Variants in SPAG1 observed in about 807,000 individuals in gnomAD.
SPAG1 encodes the protein sperm associated antigen 1.
Under a neutral mutation model 100.5 loss-of-function variants are expected in SPAG1, and 69 were observed. The observed-to-expected ratio is 0.69, with a 90% CI of 0.57 to 0.84. The LOEUF (loss-of-function observed/expected upper bound fraction) is 0.84. Ranked by LOEUF, SPAG1 falls within the 40% of genes least tolerant of loss-of-function variation. The pLI, the probability that SPAG1 is intolerant of heterozygous loss-of-function variation, is 0.00. For missense variants in SPAG1, 955 were observed against 1,133.1 expected (o/e 0.84, Z 2.26); for synonymous variants, 336 against 411.6 (o/e 0.82, Z 2.22).
rs1819275407 is a variant in SPAG1 at position 100,241,612 on chromosome 8, A to G, written c.*590A>G. The G allele has an allele frequency of 6.6e-6, 1 of 152,200 alleles. No individual in the cohort carries two copies. Among genetic ancestry groups the G allele is most frequent in the Non-Finnish European group, 1.5e-5 (1 of 68,010 alleles). The allele number at this position is 152,200 out of a possible 1,614,324, so 9.4% of individuals were successfully genotyped here. ...GAAGCATTGCCTAATAATTAAGAAC[A>G]AAAATTGCCAAAAATTTCTACCACT... On this transcript the variant is annotated 3_prime_UTR_variant, in exon 19 of 19. Transcript: ENST00000388798. This position sits in a 1 kb window ranked among gnomAD's most constrained non-coding sequence, Gnocchi z 5.1.
In SPAG1 at chr8:100,183,425, G is replaced by A. The variant is rs567247608; in HGVS notation, c.477G>A (p.Ala159=). 52 of 1,498,164 alleles carry A rather than the reference G, an allele frequency of 3.5e-5. No homozygotes were observed. Among genetic ancestry groups the A allele is most frequent in the African/African-American group, 8.4e-5 (6 of 71,716 alleles). 92.8% of individuals were successfully genotyped at this position (1,498,164 alleles called of 1,614,324 possible). A position where few individuals can be genotyped will look rare whatever the true frequency, so the allele number is the denominator to read the frequency against. The part of the protein sequence containing the change: ...PTKKKTPRDY[A]EWDKFDVEKE... The stretch of plus-strand genomic sequence containing the variant: ...AAAAGAAAACTCCAAGGGATTACGC[G>A]GAATGGGATAAGTATGTTTTACATG... Residue 159 remains alanine (A), a synonymous_variant, in exon 5 of 19, where the codon GCG becomes GCA. Transcript: ENST00000388798.
chr8:100,185,941 A>G (rs1816566378), intron 7 of SPAG1, among the ~76,000 whole-genome samples: 1 of 151,728 alleles, frequency 6.6e-6, no homozygotes, highest in Non-Finnish European at 1.5e-5. Flanking sequence ...TCTCTTGTCT[A>G]TTACAGGTTA....
intron 10 of SPAG1, among the ~76,000 whole-genome samples, chr8:100,196,359 A>G (rs1470028838): frequency 6.6e-6 from 1 of 152,140 alleles, no homozygotes; most frequent in Non-Finnish European, 1.5e-5. Flanking sequence ...AGAGTTCTAG[A>G]TGCTTCTCGT....
intron 14 of SPAG1, among the ~76,000 whole-genome samples, chr8:100,228,035 G>C (rs1048133976): frequency 6.6e-6 from 1 of 151,758 alleles, no homozygotes; most frequent in Non-Finnish European, 1.5e-5. Flanking sequence ...ATAGAGACAG[G>C]ATCTCATTAT....
At chr8:100,217,509 C>T (rs938742135) in intron 12 of SPAG1, among the ~76,000 whole-genome samples, 1 of 152,012 alleles carries the variant, frequency 6.6e-6, no homozygotes, top group Non-Finnish European at 1.5e-5. Flanking sequence ...CCTGGCCTCT[C>T]CCCTCACCAC....
At chr8:100,235,544 G>C (rs1586559141) in intron 16 of SPAG1, among the ~76,000 whole-genome samples, 1 of 152,246 alleles carries the variant, frequency 6.6e-6, no homozygotes, top group East Asian at 1.9e-4. Flanking sequence ...TTTGGGAGTG[G>C]GGAGAGGATT....
intron 10 of SPAG1, chr8:100,194,634 A>G (rs983613260): frequency 2.5e-6 from 1 of 408,094 alleles, no homozygotes; most frequent in East Asian, 3.6e-5. Context: ...GTTTCAAAAC[A>G]GGTATGGGTA....
intron 3 of SPAG1, among the ~76,000 whole-genome samples, chr8:100,173,405 C>T (rs1476498835): frequency 6.6e-6 from 1 of 151,988 alleles, no homozygotes; most frequent in East Asian, 1.9e-4. Context: ...TACCTTATTG[C>T]TTTTCTTTTT....
chr8:100,191,270 A>T, intron 8 of SPAG1, 120 bp from the exon 9 acceptor site: 1 of 632,098 alleles, frequency 1.6e-6, no homozygotes, highest in Non-Finnish European at 2.8e-6. Flanking sequence ...GGTGTAGTTG[A>T]GCTTTGGGTA....
chr8:100,194,157 G>A lies in SPAG1; in HGVS notation c.985G>A (p.Ala329Thr). The A allele has an allele frequency of 1.3e-6, 2 of 1,599,458 alleles. No homozygotes were observed. Among genetic ancestry groups the A allele is most frequent in the South Asian group, 1.2e-5 (1 of 86,678 alleles). The part of the protein sequence containing the change: ...VERDLKNSEA[A>T]SETQTKGKRM... ...AAGAGATCTGAAAAATTCTGAAGCT[G>A]CATCTGAGACTCAAACCAAAGGGAA... Residue 329 changes from alanine to threonine, a missense_variant, in exon 10 of 19, where the codon GCA (alanine) becomes ACA (threonine). Ala to Thr is a moderately conservative substitution (Grantham distance 58). Coordinates refer to ENST00000388798, the MANE Select transcript of SPAG1 (RefSeq NM_003114.5).
chr8:100,162,172 T>C, intron 1 of SPAG1, 107 bp from the exon 2 acceptor site: 1 of 947,602 alleles, frequency 1.1e-6, no homozygotes, highest in Non-Finnish European at 1.6e-6. Context: ...CTACAAAAAA[T>C]TTTTAAAAAT....
At chr8:100,174,925 A>G (rs1237318941) in intron 3 of SPAG1, among the ~76,000 whole-genome samples, 1 of 150,462 alleles carries the variant, frequency 6.6e-6, no homozygotes, top group Non-Finnish European at 1.5e-5. Flanking sequence ...AATCCCGGAC[A>G]ACATCTGGAC....
At chr8:100,225,416 T>G in intron 14 of SPAG1, 77 bp downstream of exon 14, 4 of 1,311,628 alleles carry the variant, frequency 3.0e-6, no homozygotes, top group South Asian at 1.3e-5. Context: ...AGCAGAGAGA[T>G]AAGAGCATTA....
intron 13 of SPAG1, among the ~76,000 whole-genome samples, chr8:100,223,217 T>C (rs1818359518): frequency 6.6e-6 from 1 of 152,230 alleles, no homozygotes; most frequent in South Asian, 2.1e-4. Context: ...TTGTGAACAG[T>C]GCTGCTGTGA....
chr8:100,182,691 T>C (rs1816416481), intron 4 of SPAG1, among the ~76,000 whole-genome samples: 1 of 152,194 alleles, frequency 6.6e-6, no homozygotes, highest in Non-Finnish European at 1.5e-5. Flanking sequence ...TTCTGACTAA[T>C]ATAGCAATTA....
At chr8:100,178,090 T>C in intron 4 of SPAG1, 149 bp downstream of exon 4, 1 of 567,868 alleles carries the variant, frequency 1.8e-6, no homozygotes, top group Middle Eastern at 2.8e-4. Flanking sequence ...AACTATCGGC[T>C]GGGAACTATC....
At chr8:100,210,545 A>T (rs746898117) in intron 10 of SPAG1, among the ~76,000 whole-genome samples, 28 of 152,174 alleles carry the variant, frequency 1.8e-4, no homozygotes, top group Non-Finnish European at 4.4e-5. Context: ...TTTCTGAGGC[A>T]GTATGCGCTC....
At chr8:100,181,874 A>G (rs1816380724) in intron 4 of SPAG1, among the ~76,000 whole-genome samples, 1 of 152,192 alleles carries the variant, frequency 6.6e-6, no homozygotes, top group Non-Finnish European at 1.5e-5. Flanking sequence ...TTTTTGGGAG[A>G]CACAATTCAA....
Position 100,162,437 on chromosome 8 carries a change from C to T in SPAG1, c.140+17C>T. The T allele has an allele frequency of 6.5e-7, 1 of 1,546,404 alleles. No individual in the cohort carries two copies. Among genetic ancestry groups the T allele is most frequent in the Non-Finnish European group, 8.7e-7 (1 of 1,147,330 alleles). On this transcript the variant is annotated intron_variant, in intron 2 of 18. Transcript: ENST00000388798. The stretch of plus-strand genomic sequence containing the variant: ...CGTGCTCAGGTAAGCATTTTAAAAT[C>T]ATTACATGTTTTAGTATGACAGTTT...
Sources: allele counts gnomAD v4.1 joint callset (sites outside exome capture counted in the v4.1 genomes callset), GRCh38; gene constraint gnomAD v4.1.1; non-coding constraint Gnocchi (gnomAD v3.1); transcripts MANE v1.5; gene names NCBI Gene and HGNC (gene_info 2026-07-23, HGNC 2026-07-21).